The following PDE3A variants were observed in gnomAD, a reference collection of about 807,000 sequenced individuals.
The protein encoded by PDE3A is phosphodiesterase 3A.
In PDE3A, 43 loss-of-function variants were observed where a neutral mutation model predicts 98.3. That is an observed-to-expected ratio of 0.44 (90% confidence interval 0.34 to 0.56). The LOEUF is 0.56. PDE3A is among the 20% of genes least tolerant of loss of function. The pLI is 0.01. For missense variants in PDE3A, 1,427 were observed against 1,440.7 expected (o/e 0.99, Z 0.15); for synonymous variants, 663 against 567.9 (o/e 1.17, Z -2.38).
intron 6 of PDE3A, among the ~76,000 whole-genome samples, chr12:20,631,178 T>C (rs1189851271): frequency 6.6e-6 from 1 of 152,212 alleles, no homozygotes; most frequent in Non-Finnish European, 1.5e-5. Context: ...AAAGTTATTC[T>C]ACTATGCAAA....
intron 1 of PDE3A, among the ~76,000 whole-genome samples, chr12:20,554,416 T>A (rs200719848): frequency 1.1e-4 from 17 of 150,346 alleles, no homozygotes; most frequent in East Asian, 3.9e-4. Context: ...ATTTTTTTTT[T>A]ATTTCCCAAG....
At chr12:20,380,069 A>G (rs2120538101) in intron 1 of PDE3A, among the ~76,000 whole-genome samples, 1 of 151,962 alleles carries the variant, frequency 6.6e-6, no homozygotes, top group African/African-American at 2.4e-5. Context: ...ATTTTCTTCC[A>G]TTCCATCCCA....
intron 1 of PDE3A, among the ~76,000 whole-genome samples, chr12:20,434,210 A>G (rs1944744452): frequency 6.6e-6 from 1 of 151,934 alleles, no homozygotes; most frequent in Non-Finnish European, 1.5e-5. Context: ...TTCTCTTACA[A>G]TAGTCTTGAC....
intron 15 of PDE3A, among the ~76,000 whole-genome samples, chr12:20,677,318 A>C (rs1315844532): frequency 6.6e-6 from 1 of 152,146 alleles, no homozygotes; most frequent in Non-Finnish European, 1.5e-5. Context: ...GGATTTCAAA[A>C]AATTCTTATT....
Position 20,370,220 on chromosome 12 carries a change from C to T in PDE3A, c.936C>T (p.Ser312=), listed in dbSNP as rs781725292. 2.5e-6 allele frequency: 4 copies of T among 1,588,262 alleles called. No individual in the cohort carries two copies. The Admixed American group carries it at 7.1e-5, about 28-fold the overall frequency. The change falls in exon 1 of 16, where the codon TCC becomes TCT. Residue 312 remains serine (S), a synonymous_variant. Coordinates refer to ENST00000359062, the MANE Select transcript of PDE3A (RefSeq NM_000921.5). ...GCSSKSHRRT[S]LPCIPREQLM... ...GCAGCAAGTCCCATCGGAGGACCTC[C>T]CTGCCCTGTATACCGAGGGAACAGG...
intron 1 of PDE3A, among the ~76,000 whole-genome samples, chr12:20,457,654 T>C (rs978068451): frequency 6.6e-6 from 1 of 151,634 alleles, no homozygotes; most frequent in African/African-American, 2.4e-5. Context: ...GGATATAATG[T>C]CTGTATTCAA....
chr12:20,531,705 C>T (rs1369728571), intron 1 of PDE3A, among the ~76,000 whole-genome samples: 3 of 152,070 alleles, frequency 2.0e-5, no homozygotes, highest in Non-Finnish European at 4.4e-5. Flanking sequence ...TTTCTTTGAA[C>T]TTTGGGAAGT....
intron 1 of PDE3A, among the ~76,000 whole-genome samples, chr12:20,460,627 G>T (rs558584351): frequency 4.6e-5 from 7 of 152,278 alleles, no homozygotes; most frequent in African/African-American, 1.7e-4. Flanking sequence ...TTAGAACAAA[G>T]ACAAGACTAC....
At chr12:20,451,724 T>C (rs1331307075) in intron 1 of PDE3A, among the ~76,000 whole-genome samples, 1 of 152,208 alleles carries the variant, frequency 6.6e-6, no homozygotes, top group African/African-American at 2.4e-5. Flanking sequence ...TCTGCCACAA[T>C]ACACGGCACC....
chr12:20,488,244 A>C (rs1017867982), intron 1 of PDE3A, among the ~76,000 whole-genome samples: 6 of 152,060 alleles, frequency 3.9e-5, no homozygotes, highest in African/African-American at 1.4e-4. Flanking sequence ...TGCCTCCAAA[A>C]TTAGTCCTAT....
At chr12:20,389,544 T>C (rs1269650376) in intron 1 of PDE3A, among the ~76,000 whole-genome samples, 5 of 151,924 alleles carry the variant, frequency 3.3e-5, no homozygotes, top group Non-Finnish European at 7.4e-5. Context: ...GGAATTCTCC[T>C]TGGAAAACTT....
intron 6 of PDE3A, among the ~76,000 whole-genome samples, chr12:20,630,483 G>C (rs955607815): frequency 1.3e-5 from 2 of 152,110 alleles, no homozygotes; most frequent in African/African-American, 4.8e-5. Flanking sequence ...GTTTGTACTT[G>C]TTCTCCAGGG....
chr12:20,589,343 T>G (rs910518456), intron 2 of PDE3A, among the ~76,000 whole-genome samples: 1 of 152,200 alleles, frequency 6.6e-6, no homozygotes, highest in African/African-American at 2.4e-5. Context: ...AAACAATATT[T>G]TTGCCATGGT....
chr12:20,483,106 A>G (rs1945660524), intron 1 of PDE3A, among the ~76,000 whole-genome samples: 1 of 151,916 alleles, frequency 6.6e-6, no homozygotes, highest in Non-Finnish European at 1.5e-5. Context: ...AACTTCTAAA[A>G]GAGGCCTTAC....
intron 1 of PDE3A, among the ~76,000 whole-genome samples, chr12:20,411,921 T>G (rs935573611): frequency 3.4e-5 from 5 of 148,444 alleles, no homozygotes; most frequent in African/African-American, 1.2e-4. Flanking sequence ...AGGACCTTCA[T>G]TTCAATTTTA....
chr12:20,495,554 A>G (rs1342894420), intron 1 of PDE3A, among the ~76,000 whole-genome samples: 1 of 152,156 alleles, frequency 6.6e-6, no homozygotes, highest in Non-Finnish European at 1.5e-5. Flanking sequence ...AGTTTTCAAA[A>G]ACATTTTTAA....
chr12:20,409,600 C>T (rs10841511), intron 1 of PDE3A, among the ~76,000 whole-genome samples: 33,214 of 151,854 alleles, frequency 0.22, 3,817 homozygotes, highest in East Asian at 0.37. Context: ...AGTGATCTTA[C>T]GAAATATTAT....
intron 15 of PDE3A, among the ~76,000 whole-genome samples, chr12:20,654,891 G>T (rs1031883156): frequency 1.1e-4 from 17 of 152,042 alleles, no homozygotes; most frequent in African/African-American, 2.4e-5. Flanking sequence ...TATTGGCTTG[G>T]TTAGGGGAAC....
At chr12:20,674,043 C>G (rs1335499208) in intron 15 of PDE3A, among the ~76,000 whole-genome samples, 4 of 151,902 alleles carry the variant, frequency 2.6e-5, no homozygotes, top group Non-Finnish European at 5.9e-5. Context: ...CTTTATCCAT[C>G]TTGGTTAAAT....
Sources: allele counts gnomAD v4.1 joint callset (sites outside exome capture counted in the v4.1 genomes callset), GRCh38; gene constraint gnomAD v4.1.1; transcripts MANE v1.5; gene names NCBI Gene and HGNC (gene_info 2026-07-23, HGNC 2026-07-21).